VPS13D: variants seen among roughly 807,000 people sequenced by gnomAD.
VPS13D encodes intermembrane lipid transfer protein VPS13D.
A neutral mutation model predicts 461.9 loss-of-function variants in VPS13D; 187 were observed. The ratio of observed to expected loss-of-function variants is 0.40; its 90% CI spans 0.36 to 0.46. VPS13D has a LOEUF of 0.46. VPS13D is among the 20% of genes least tolerant of loss of function. The pLI, the probability that VPS13D is intolerant of heterozygous loss-of-function variation, is 0.60. For synonymous variants in VPS13D, 1,951 were observed against 1,986.3 expected (o/e 0.98, Z 0.47); for missense variants, 4,711 against 5,364.9 (o/e 0.88, Z 3.81).
chr1:12,340,794 G>A (rs935986066), intron 40 of VPS13D, among the ~76,000 whole-genome samples: 4 of 152,194 alleles, frequency 2.6e-5, no homozygotes, highest in African/African-American at 7.2e-5. Context: ...GGTTGTGTAC[G>A]TGTGTTGTGA....
In VPS13D at chr1:12,269,574, G is replaced by T. The variant is rs1641372615; in HGVS notation, c.1972+698G>T. Among the ~76,000 whole-genome samples the T allele has an allele frequency of 2.0e-5, 3 of 152,188 alleles. No homozygotes were observed. In the South Asian group the frequency reaches 6.2e-4, roughly 32 times the overall value. On this transcript the variant is annotated intron_variant, in intron 16 of 69. Transcript: ENST00000620676. Reference sequence around the variant, plus strand: ...TTCCTTCTAGATGACAGGATCAGTGGTCTCTTTGACCTCCTTTGTGCAGCA... The same window carrying T: ...TTCCTTCTAGATGACAGGATCAGTGTTCTCTTTGACCTCCTTTGTGCAGCA...
chr1:12,416,357 T>C (rs574902416), intron 64 of VPS13D, among the ~76,000 whole-genome samples: 2 of 152,338 alleles, frequency 1.3e-5, no homozygotes, highest in Non-Finnish European at 2.9e-5. Context: ...AAGGAGAGTA[T>C]GATGTATATA....
At chr1:12,361,318 T>C (rs1643943112) in intron 50 of VPS13D, among the ~76,000 whole-genome samples, 1 of 151,928 alleles carries the variant, frequency 6.6e-6, no homozygotes, top group Non-Finnish European at 1.5e-5. Context: ...GCTGTATTTA[T>C]TGTCTGAATG....
In VPS13D at chr1:12,283,217, CCTTT is replaced by C; in HGVS notation, c.5118_5121del (p.Gln1708LeufsTer52). ...CATCTAGTTTAGCACAAAAAGAATA[CCTTT>C]CTCAGTCTTGCCCCTCAGTGTCCAA... On this transcript the variant is annotated frameshift_variant, in exon 21 of 70. Coordinates refer to ENST00000620676, the MANE Select transcript of VPS13D (RefSeq NM_015378.4). LOFTEE classifies it high-confidence loss of function. 1.2e-6 allele frequency: 2 copies of C among 1,614,110 alleles called. No individual in the cohort carries two copies. The highest frequency in any genetic ancestry group is 1.7e-6 in the Non-Finnish European group (2 of 1,180,018).
Position 12,500,180 on chromosome 1 carries a change from T to G in VPS13D, c.12794+2549T>G, listed in dbSNP as rs990111971. The G allele has an allele frequency of 9.1e-6, 9 of 984,434 alleles. No individual in the cohort carries two copies. In the Admixed American group the frequency reaches 3.7e-4, roughly 40 times the overall value. 61.0% of individuals were successfully genotyped at this position (984,434 alleles called of 1,614,324 possible). A position where few individuals can be genotyped will look rare whatever the true frequency, so the allele number is the denominator to read the frequency against. On this transcript the variant is annotated intron_variant, in intron 68 of 69. Coordinates refer to ENST00000620676, the MANE Select transcript of VPS13D (RefSeq NM_015378.4). ...ATCGAGTTGCATTTAATTTTGTCAT[T>G]CTATTTAATTAATTAATATTAAAAA...
rs142718086 is a variant in VPS13D at position 12,342,313 on chromosome 1, A to G, written c.8732+428A>G. On this transcript the variant is annotated intron_variant, in intron 41 of 69. Coordinates refer to ENST00000620676, the MANE Select transcript of VPS13D (RefSeq NM_015378.4). ...ATCCCTAAAGAATTCTTTCATACCT[A>G]AAACGCACTTCAACCCAGATGGAAT... Among the ~76,000 whole-genome samples the G allele has an allele frequency of 9.8e-5, 15 of 152,314 alleles. No individual in the cohort carries two copies. In the East Asian group the frequency reaches 2.7e-3, roughly 27 times the overall value.
At position 12,302,851 on chromosome 1, in the gene VPS13D, T is replaced by A. The variant is rs1395748419; in HGVS notation, c.6217-1655T>A. On this transcript the variant is annotated intron_variant, in intron 25 of 69. Transcript: ENST00000620676. ...GAATTCCTTTTTTTTTTTTTTTTTT[T>A]AGCCTTCACTAGTACGTTCTTGGTG... Among the ~76,000 whole-genome samples the A allele has an allele frequency of 3.4e-5, 5 of 148,042 alleles. No individual in the cohort carries two copies. The East Asian group carries it at 9.7e-4, about 29-fold the overall frequency.
intron 50 of VPS13D, among the ~76,000 whole-genome samples, chr1:12,361,401 TTA>T (rs1557732696): frequency 3.4e-5 from 5 of 145,184 alleles, no homozygotes; most frequent in African/African-American, 1.0e-4. Context: ...ATTTATTTAT[TTA>T]TTTTTTTTTT....
chr1:12,404,152 C>T (rs558138603), intron 63 of VPS13D, among the ~76,000 whole-genome samples, 179 bp downstream of exon 63: 6 of 142,258 alleles, frequency 4.2e-5, no homozygotes, highest in Admixed American at 2.1e-4. Context: ...TATTGACTTA[C>T]GTGTATTTGT....
At chr1:12,450,560 A>G (rs1455525889) in intron 65 of VPS13D, among the ~76,000 whole-genome samples, 2 of 152,158 alleles carry the variant, frequency 1.3e-5, no homozygotes, top group Non-Finnish European at 2.9e-5. Context: ...GGCTGGTGAC[A>G]TGTGATCCGA....
chr1:12,293,389 G>A, intron 23 of VPS13D, 135 bp from the exon 24 acceptor site: 1 of 823,468 alleles, frequency 1.2e-6, no homozygotes, highest in African/African-American at 1.7e-5. Context: ...AGTTTGCTTT[G>A]TAAAGCCTAA....
At chr1:12,248,976 CATATT>C (rs1457920402) in intron 5 of VPS13D, among the ~76,000 whole-genome samples, 2 of 151,964 alleles carry the variant, frequency 1.3e-5, no homozygotes, top group Non-Finnish European at 2.9e-5. Context: ...CATAATATAA[CATATT>C]ATAACATAAC....
chr1:12,410,237 A>G (rs1202926428), intron 63 of VPS13D, among the ~76,000 whole-genome samples: 1 of 152,220 alleles, frequency 6.6e-6, no homozygotes, highest in Non-Finnish European at 1.5e-5. Flanking sequence ...TGAAGAACTT[A>G]AACAGTCTTC....
chr1:12,416,530 T>C (rs1644796504), intron 64 of VPS13D, 130 bp from the exon 65 acceptor site: 2 of 986,972 alleles, frequency 2.0e-6, no homozygotes, highest in Middle Eastern at 3.0e-4. Context: ...TTAAAAGCTT[T>C]TAATCTCGTT....
intron 55 of VPS13D, 83 bp downstream of exon 55, chr1:12,373,941 A>G: frequency 1.9e-6 from 2 of 1,072,872 alleles, no homozygotes; most frequent in Non-Finnish European, 2.6e-6. Flanking sequence ...CAGAGTCCTT[A>G]TTTCATGATG....
chr1:12,384,149 TA>T (rs1644319591), intron 58 of VPS13D, among the ~76,000 whole-genome samples: 2 of 152,078 alleles, frequency 1.3e-5, no homozygotes, highest in African/African-American at 4.8e-5. Flanking sequence ...TGCACTAATG[TA>T]AATGAAGGGT....
chr1:12,394,583 A>G (rs762685708), intron 60 of VPS13D, among the ~76,000 whole-genome samples: 3 of 152,158 alleles, frequency 2.0e-5, no homozygotes, highest in Non-Finnish European at 4.4e-5. Flanking sequence ...GGGCTCTTCA[A>G]AGATGCAGGT....
Position 12,276,298 on chromosome 1 carries a change from C to G in VPS13D, c.2710C>G (p.Pro904Ala). The G allele has an allele frequency of 6.2e-7, 1 of 1,614,134 alleles. No homozygotes were observed. Among genetic ancestry groups the G allele is most frequent in the East Asian group, 2.2e-5 (1 of 44,870 alleles). ...GAATTGCTTTGCTCTCCTCACCACC[C>G]CAGAAATGAAAACTTCTGACACTCA... ...LKNCFALLTT[P>A]EMKTSDTQIK... Residue 904 changes from proline (P) to alanine (A), a missense_variant, in exon 19 of 70, where the codon CCA becomes GCA. Physicochemically the swap from Pro to Ala is conservative, Grantham distance 27. This residue lies in a region of VPS13D where 4,411 missense variants were observed against 4,937.8 expected (regional missense o/e 0.89). Transcript: ENST00000620676. This position sits in a 1 kb window ranked among gnomAD's most constrained non-coding sequence, Gnocchi z 4.5.
chr1:12,409,973 G>A (rs1644702142), intron 63 of VPS13D: 10 of 452,022 alleles, frequency 2.2e-5, no homozygotes, highest in South Asian at 1.3e-4. Context: ...AGGTGAAGAA[G>A]CCAAGCAGAA....
Sources: gnomAD v4.1 joint callset for allele counts (sites outside exome capture counted in the v4.1 genomes callset) on GRCh38, gnomAD v4.1.1 for gene constraint, gnomAD v4.1.1 regional missense constraint, Gnocchi (gnomAD v3.1) non-coding constraint, MANE v1.5 for transcripts, NCBI Gene and HGNC (gene_info 2026-07-23, HGNC 2026-07-21) for gene names.